Variants in MAN2C1 observed in about 807,000 individuals in gnomAD.
MAN2C1 encodes the protein alpha-mannosidase 2C1.
A neutral mutation model predicts 126.9 loss-of-function variants in MAN2C1; 111 were observed. The ratio of observed to expected loss-of-function variants is 0.87; its 90% CI spans 0.75 to 1.02. MAN2C1 has a LOEUF of 1.02. MAN2C1 is among the 50% of genes least tolerant of loss of function. The pLI is 0.00. For synonymous variants in MAN2C1, 567 were observed against 561.5 expected (o/e 1.01, Z -0.14); for missense variants, 1,363 against 1,364.4 (o/e 1.00, Z 0.02).
rs79908208 is a variant in MAN2C1 at position 75,362,344 on chromosome 15, A to G, written c.1007T>C (p.Met336Thr). ...FVPVGGTWVE[M>T]DGNLPSGEAM... ...CTGAGGAGTGCCCAGTGCACTTACC[A>G]TCTCCACCCAGGTGCCCCCCACAGG... The change falls in exon 8 of 26, where the codon ATG becomes ACG. Residue 336 changes from methionine to threonine, a missense_variant and splice_region_variant. This residue lies in a region of MAN2C1 where 628 missense variants were observed against 609.8 expected (regional missense o/e 1.03). Coordinates refer to ENST00000267978, the MANE Select transcript of MAN2C1 (RefSeq NM_006715.4). This position sits in a 1 kb window ranked among gnomAD's most constrained non-coding sequence, Gnocchi z 4.5. 1,980 of 1,613,506 alleles carry G rather than the reference A, an allele frequency of 1.2e-3. 27 individuals carry two copies. The African/African-American group carries it at 0.022, about 18-fold the overall frequency.
In MAN2C1 at chr15:75,359,358, C is replaced by T. The variant is rs767401022; in HGVS notation, c.2016G>A (p.Leu672=). The T allele has an allele frequency of 1.2e-6, 2 of 1,601,588 alleles. No homozygotes were observed. The highest frequency in any genetic ancestry group is 1.7e-6 in the Non-Finnish European group (2 of 1,174,166). Residue 672 remains leucine (L), a synonymous_variant, in exon 17 of 26, where the codon CTG becomes CTA. Transcript: ENST00000267978. Reference sequence around the variant, plus strand: ...GCACTACGAACACAGGCTGCTGGGGCAGCAGGGGCTGCAGTGAGGTGGGGG... The same window carrying T: ...GCACTACGAACACAGGCTGCTGGGGTAGCAGGGGCTGCAGTGAGGTGGGGG... ...VPPPTSLQPL[L]PQQPVFVVQE... is the part of the protein sequence containing the mutation.
Position 75,359,707 on chromosome 15 carries a change from G to A in MAN2C1, c.1861C>T (p.Pro621Ser), listed in dbSNP as rs775686152. Residue 621 changes from proline to serine, a missense_variant, in exon 16 of 26, where the codon CCT becomes TCT. Pro to Ser is a moderately conservative substitution (Grantham distance 74). Around this residue, in one of 3 missense-constraint regions of MAN2C1, gnomAD observed 668 missense variants for 650.1 expected, o/e 1.03. Transcript: ENST00000267978. ...AAALCAGEPG[P>S]EGLLIVNTLP... ...GTGTTGACGATGAGGAGGCCCTCAG[G>A]ACCTGGCTCCCCAGCACACAGGGCT... 2 of 1,614,156 alleles carry A rather than the reference G, an allele frequency of 1.2e-6. No homozygotes were observed. Among genetic ancestry groups the A allele is most frequent in the Non-Finnish European group, 1.7e-6 (2 of 1,180,036 alleles).
rs371874351 is a variant in MAN2C1, at chr15:75,356,711, C to A, written c.2658-26G>T. 3 of 1,610,706 alleles carry A rather than the reference C, an allele frequency of 1.9e-6. No individual in the cohort carries two copies. Among genetic ancestry groups the A allele is most frequent in the Non-Finnish European group, 2.5e-6 (3 of 1,178,670 alleles). ...CTGGGGTGAGGAGGGCGCGTAGGGG[C>A]CACGCTGAAGCTGTTGGAGTTGTGG... On this transcript the variant is annotated intron_variant, in intron 22 of 25. Coordinates refer to ENST00000267978, the MANE Select transcript of MAN2C1 (RefSeq NM_006715.4). This position sits in a 1 kb window ranked among gnomAD's most constrained non-coding sequence, Gnocchi z 5.8.
chr15:75,360,033 C>G (rs1328835228), intron 14 of MAN2C1, 45 bp from the exon 15 acceptor site: 2 of 1,613,696 alleles, frequency 1.2e-6, no homozygotes, highest in Non-Finnish European at 1.7e-6. Flanking sequence ...GAGGGGCAGG[C>G]ACAGAGGTAA....
Position 75,356,080 on chromosome 15 carries a change from C to T in MAN2C1, c.2996+30G>A, listed in dbSNP as rs1038276859. 3 of 1,613,534 alleles carry T rather than the reference C, an allele frequency of 1.9e-6. No individual in the cohort carries two copies. The highest frequency in any genetic ancestry group is 2.5e-6 in the Non-Finnish European group (3 of 1,179,754). On this transcript the variant is annotated intron_variant, in intron 25 of 25. Coordinates refer to ENST00000267978, the MANE Select transcript of MAN2C1 (RefSeq NM_006715.4). The surrounding 1 kb of genome is among the most constrained non-coding windows in gnomAD (Gnocchi z 5.8). The stretch of plus-strand genomic sequence containing the variant: ...AAGGCTCTGCGAGGGCGAGACTCGA[C>T]CCCCGCCCCAATCCCACACCGCCAC...
At chr15:75,363,895 G>T in intron 6 of MAN2C1, 104 bp downstream of exon 6, 1 of 1,292,484 alleles carries the variant, frequency 7.7e-7, no homozygotes, top group Non-Finnish European at 1.1e-6. Flanking sequence ...GCAGGTCCAA[G>T]AGGAGCAAGA....
chr15:75,356,204 G>A lies in MAN2C1; in HGVS notation c.2902C>T (p.Gln968Ter). 1.2e-6 allele frequency: 2 copies of A among 1,613,270 alleles called. No individual in the cohort carries two copies. The highest frequency in any genetic ancestry group is 8.5e-7 in the Non-Finnish European group (1 of 1,179,882). Residue 968 changes from glutamine to a stop codon, truncating the protein, a stop_gained, in exon 25 of 26, where the codon CAG (glutamine) becomes TAG (stop). Coordinates refer to ENST00000267978, the MANE Select transcript of MAN2C1 (RefSeq NM_006715.4). LOFTEE classifies it high-confidence loss of function. This position sits in a 1 kb window ranked among gnomAD's most constrained non-coding sequence, Gnocchi z 5.8. ...AGCCTCAGGACCAGCGAGCGGCGCT[G>A]GGGGCTGCTCTCCGCCTGCAGAGGA... ...ETVKQAESSP[Q>*]RRSLVLRLYE...
chr15:75,360,367 C>T, intron 13 of MAN2C1, 156 bp from the exon 14 acceptor site: 1 of 1,304,760 alleles, frequency 7.7e-7, no homozygotes, highest in Non-Finnish European at 1.0e-6. Context: ...TCCCTCTTCT[C>T]CCCGCAGCCC....
chr15:75,367,977 T>C, intron 2 of MAN2C1, 96 bp downstream of exon 2: 1 of 1,441,576 alleles, frequency 6.9e-7, no homozygotes. Flanking sequence ...CACGTAGTTG[T>C]CTACGGCAGA....
chr15:75,359,374 G>A lies in MAN2C1; in HGVS notation c.2000C>T (p.Ser667Leu). 6.2e-7 allele frequency: 1 copy of A among 1,606,864 alleles called. No individual in the cohort carries two copies. The highest frequency in any genetic ancestry group is 2.2e-5 in the East Asian group (1 of 44,842). The change falls in exon 17 of 26, where the codon TCA becomes TTA. Residue 667 changes from serine to leucine, a missense_variant. Around this residue, in one of 3 missense-constraint regions of MAN2C1, gnomAD observed 668 missense variants for 650.1 expected, o/e 1.03. Transcript: ENST00000267978. ...CTGCTGGGGCAGCAGGGGCTGCAGT[G>A]AGGTGGGGGGAGGAACAGGAGCATA... Reference protein sequence around the residue: ...MGYAPVPPPTSLQPLLPQQPV... With the variant: ...MGYAPVPPPTLLQPLLPQQPV...
At chr15:75,363,186 A>G in intron 6 of MAN2C1, 1 of 457,126 alleles carries the variant, frequency 2.2e-6, no homozygotes, top group Non-Finnish European at 4.4e-6. Flanking sequence ...CTCCCTTACC[A>G]GCCCAGAACC....
chr15:75,366,800 C>G (rs1054162707), intron 3 of MAN2C1, among the ~76,000 whole-genome samples: 2 of 152,218 alleles, frequency 1.3e-5, no homozygotes, highest in Non-Finnish European at 2.9e-5. Context: ...CAAATAGCCC[C>G]TGTTTACCAG....
rs376948428 is a variant in MAN2C1 at position 75,368,552 on chromosome 15, C to T, written c.32G>A (p.Arg11His). The part of the protein sequence containing the change: MAAAPALKHW[R>H]TTLERVEKFV... Reference sequence around the variant, plus strand: ...CTTCTCCACCCGCTCCAGCGTGGTGCGCCAGTGCTTCAAGGCCGGCGCAGC... The same window carrying T: ...CTTCTCCACCCGCTCCAGCGTGGTGTGCCAGTGCTTCAAGGCCGGCGCAGC... The change falls in exon 1 of 26, where the codon CGC (arginine) becomes CAC (histidine). Residue 11 changes from arginine (R) to histidine (H), a missense_variant. Physicochemically the swap from Arg to His is conservative, Grantham distance 29. Transcript: ENST00000267978. 1.9e-6 allele frequency: 3 copies of T among 1,552,258 alleles called. No homozygotes were observed. The African/African-American group carries it at 4.1e-5, about 21-fold the overall frequency.
At chr15:75,365,664 C>T (rs1039794996) in intron 4 of MAN2C1, 6 of 175,408 alleles carry the variant, frequency 3.4e-5, no homozygotes, top group East Asian at 2.0e-4. Flanking sequence ...AGGCGGCGGT[C>T]GCAGTGAGCC....
At chr15:75,357,617 A>AT (rs969353659) in intron 21 of MAN2C1, 2,244 of 103,502 alleles carry the variant, frequency 0.022, 67 homozygotes, top group African/African-American at 0.05. Flanking sequence ...CAATTTTTGT[A>AT]TTTTTTTTTT....
chr15:75,358,313 T>C lies in MAN2C1; in HGVS notation c.2435A>G (p.Lys812Arg), dbSNP rs772405927. The change falls in exon 21 of 26, where the codon AAG becomes AGG. Residue 812 changes from lysine to arginine, a missense_variant. By Grantham distance (26) the Lys-to-Arg change is conservative. This residue lies in a region of MAN2C1 where 668 missense variants were observed against 650.1 expected (regional missense o/e 1.03). Transcript: ENST00000267978. ...VHWHEAHKFLKVEFPARVRSS... is the reference protein window; with the variant it reads ...VHWHEAHKFLRVEFPARVRSS... ...CCGCACGCGAGCAGGGAACTCCACCTTCAGGAACTTGTGGGCCTCATGCCA... is the reference window on the plus strand; with the variant it reads ...CCGCACGCGAGCAGGGAACTCCACCCTCAGGAACTTGTGGGCCTCATGCCA... The C allele has an allele frequency of 1.7e-5, 27 of 1,613,976 alleles. No individual in the cohort carries two copies. In the South Asian group the frequency reaches 2.7e-4, roughly 16 times the overall value.
In MAN2C1 at chr15:75,361,611, G is replaced by T. The variant is rs772107701; in HGVS notation, c.1211C>A (p.Ser404Tyr). ...TQKLSWNLVN[S>Y]FPHHTFFWEG... The stretch of plus-strand genomic sequence containing the variant: ...CCCCGGGGGCCTGCTTACTGGGAAG[G>T]AGTTCACCAAATTCCAGCTCAATTT... Residue 404 changes from serine to tyrosine, a missense_variant, in exon 10 of 26, where the codon TCC (serine) becomes TAC (tyrosine). Physicochemically the swap from Ser to Tyr is moderately radical, Grantham distance 144 (BLOSUM62 -2). Around this residue, in one of 3 missense-constraint regions of MAN2C1, gnomAD observed 628 missense variants for 609.8 expected, o/e 1.03. Transcript: ENST00000267978. This position sits in a 1 kb window ranked among gnomAD's most constrained non-coding sequence, Gnocchi z 5.0. 9 of 1,613,318 alleles carry T rather than the reference G, an allele frequency of 5.6e-6. No homozygotes were observed. The highest frequency in any genetic ancestry group is 7.6e-6 in the Non-Finnish European group (9 of 1,179,420).
intron 1 of MAN2C1, 129 bp from the exon 2 acceptor site, chr15:75,368,327 A>G: frequency 7.0e-7 from 1 of 1,432,108 alleles, no homozygotes; most frequent in East Asian, 2.5e-5. Context: ...TCCGCGGCAC[A>G]GTCCATTCCC....
Position 75,356,414 on chromosome 15 carries a change from A to G in MAN2C1, c.2773T>C (p.Tyr925His). ...GCCAACAGGGGGAAGTTTAGGCTGT[A>G]GGCAGCTTGGATAACGCCAGCATCC... ...FQDAGVIQAA[Y>H]SLNFPLLALP... Residue 925 changes from tyrosine (Y) to histidine (H), a missense_variant, in exon 24 of 26, where the codon TAC becomes CAC. By Grantham distance (83) the Tyr-to-His change is moderately conservative (BLOSUM62 2). This residue lies in a region of MAN2C1 where 668 missense variants were observed against 650.1 expected (regional missense o/e 1.03). Transcript: ENST00000267978. The surrounding 1 kb of genome is among the most constrained non-coding windows in gnomAD (Gnocchi z 5.8). The G allele has an allele frequency of 6.8e-6, 11 of 1,609,004 alleles. No individual in the cohort carries two copies. The highest frequency in any genetic ancestry group is 6.8e-6 in the Non-Finnish European group (8 of 1,178,198).
Sources: gnomAD v4.1 joint callset for allele counts (sites outside exome capture counted in the v4.1 genomes callset) on GRCh38, gnomAD v4.1.1 for gene constraint, gnomAD v4.1.1 regional missense constraint, Gnocchi (gnomAD v3.1) non-coding constraint, MANE v1.5 for transcripts, NCBI Gene and HGNC (gene_info 2026-07-23, HGNC 2026-07-21) for gene names.